SLC5A12: variants seen among roughly 807,000 people sequenced by gnomAD.
SLC5A12 encodes the protein sodium-coupled monocarboxylate transporter 2.
SLC5A12 carries 46 observed loss-of-function variants against 72.7 expected under a neutral mutation model. The ratio of observed to expected loss-of-function variants is 0.63; its 90% CI spans 0.50 to 0.81. The LOEUF is 0.81. SLC5A12 is among the 30% of genes least tolerant of loss of function. SLC5A12 has a pLI of 0.00. For missense variants in SLC5A12, 683 were observed against 740.7 expected (o/e 0.92, Z 0.90); for synonymous variants, 275 against 264.4 (o/e 1.04, Z -0.39).
At chr11:26,671,367 G>T in intron 14 of SLC5A12, 116 bp from the exon 15 acceptor site, 1 of 729,604 alleles carries the variant, frequency 1.4e-6, no homozygotes, top group Non-Finnish European at 2.1e-6. Context: ...TACAAAAGAA[G>T]CATAAACAAC....
intron 13 of SLC5A12, among the ~76,000 whole-genome samples, chr11:26,677,076 A>G (rs1175727467): frequency 6.6e-6 from 1 of 152,138 alleles, no homozygotes; most frequent in Non-Finnish European, 1.5e-5. Context: ...CTTAGTGAGC[A>G]GACCTGAGGT....
chr11:26,722,404 GATA>G (rs1327572312), upstream of SLC5A12, among the ~76,000 whole-genome samples: 3 of 152,096 alleles, frequency 2.0e-5, no homozygotes, highest in Non-Finnish European at 4.4e-5. Flanking sequence ...GGAACACAGG[GATA>G]ATAAGACCTT....
At chr11:26,721,319 G>T in intron 1 of SLC5A12, 57 bp downstream of exon 1, 1 of 1,238,160 alleles carries the variant, frequency 8.1e-7, no homozygotes, top group Non-Finnish European at 1.1e-6. Context: ...ACTACCAGGT[G>T]CTATCATCAA....
At chr11:26,714,423 G>T (rs146185051) in intron 1 of SLC5A12, among the ~76,000 whole-genome samples, 3 of 152,030 alleles carry the variant, frequency 2.0e-5, no homozygotes, top group African/African-American at 7.2e-5. Flanking sequence ...TTGCAATTGT[G>T]ATATGTACTA....
chr11:26,686,166 A>C (rs1185164070), intron 10 of SLC5A12, among the ~76,000 whole-genome samples: 1 of 152,202 alleles, frequency 6.6e-6, no homozygotes, highest in South Asian at 2.1e-4. Flanking sequence ...CAGGATAATA[A>C]ATTCTCAGAT....
At chr11:26,689,611 T>C (rs1016104741) in intron 9 of SLC5A12, among the ~76,000 whole-genome samples, 2 of 152,150 alleles carry the variant, frequency 1.3e-5, no homozygotes, top group African/African-American at 2.4e-5. Context: ...GTGTATGCAT[T>C]CGTCAATACT....
intron 10 of SLC5A12, 73 bp downstream of exon 10, chr11:26,686,404 A>C: frequency 7.3e-7 from 1 of 1,362,546 alleles, no homozygotes. Flanking sequence ...TCTTGGAGGA[A>C]GAAGCAAGAC....
chr11:26,717,045 G>A (rs1855366770), intron 1 of SLC5A12, among the ~76,000 whole-genome samples: 1 of 151,990 alleles, frequency 6.6e-6, no homozygotes, highest in Non-Finnish European at 1.5e-5. Context: ...ATATTATATA[G>A]CACCGTTCAC....
intron 4 of SLC5A12, among the ~76,000 whole-genome samples, chr11:26,708,728 A>G (rs954267327): frequency 1.3e-5 from 2 of 152,080 alleles, no homozygotes; most frequent in African/African-American, 4.8e-5. Flanking sequence ...TAACTAAACT[A>G]TATATAATTG....
chr11:26,702,173 T>C (rs1854972750), intron 6 of SLC5A12, among the ~76,000 whole-genome samples: 1 of 152,150 alleles, frequency 6.6e-6, no homozygotes, highest in Admixed American at 6.6e-5. Context: ...AGCTATTGGA[T>C]AAAGAGATGA....
At chr11:26,691,166 A>T (rs1291063940) in intron 9 of SLC5A12, among the ~76,000 whole-genome samples, 1 of 152,130 alleles carries the variant, frequency 6.6e-6, no homozygotes, top group East Asian at 1.9e-4. Flanking sequence ...AAAATATACA[A>T]ATCATTACTA....
At chr11:26,687,914 C>T (rs1854576127) in intron 9 of SLC5A12, among the ~76,000 whole-genome samples, 1 of 152,102 alleles carries the variant, frequency 6.6e-6, no homozygotes, top group Admixed American at 6.6e-5. Context: ...CAATGTCTGC[C>T]CTGACTTTGT....
chr11:26,697,314 AAG>A (rs1590725961), intron 7 of SLC5A12, 62 bp from the exon 8 acceptor site: 4 of 1,447,992 alleles, frequency 2.8e-6, no homozygotes, highest in East Asian at 2.4e-5. Context: ...AAGAAAAGAG[AAG>A]AGAGAGAAAA....
At chr11:26,685,436 A>G (rs1854506551) in intron 10 of SLC5A12, among the ~76,000 whole-genome samples, 1 of 152,072 alleles carries the variant, frequency 6.6e-6, no homozygotes, top group South Asian at 2.1e-4. Flanking sequence ...TCTGGCAAAT[A>G]TGGCGAAACT....
In SLC5A12 at chr11:26,678,799, T is replaced by C; in HGVS notation, c.1492A>G (p.Thr498Ala). 6.2e-7 allele frequency: 1 copy of C among 1,612,404 alleles called. No homozygotes were observed. The highest frequency in any genetic ancestry group is 8.5e-7 in the Non-Finnish European group (1 of 1,178,892). ...VLSSRPGIAD[T>A]WYSISYLYYS... ...TAAAGGTAGGAGATCGAGTACCAGG[T>C]ATCAGCTATTCCAGGTCTGTGGAGA... Residue 498 changes from threonine to alanine, a missense_variant, in exon 13 of 15, where the codon ACC becomes GCC. Transcript: ENST00000396005.
At chr11:26,694,295 T>C (rs1167746546) in intron 8 of SLC5A12, among the ~76,000 whole-genome samples, 12 of 151,362 alleles carry the variant, frequency 7.9e-5, no homozygotes, top group Admixed American at 6.6e-4. Flanking sequence ...CTATACCATA[T>C]GTTGTCCAGT....
Position 26,671,200 on chromosome 11 carries a change from G to A in SLC5A12, c.1759C>T (p.Gln587Ter). The change falls in exon 15 of 15, where the codon CAG becomes TAG. Residue 587 changes from glutamine (Q) to a stop codon, truncating the protein, a stop_gained. Transcript: ENST00000396005. LOFTEE classifies it low-confidence loss of function (END_TRUNC). ...ARKQGAESVL[Q>*]NGLRRESLVH... is the part of the protein sequence containing the mutation. ...AGGCTTTCTCTTCTGAGTCCGTTCTGTAAGACAGATTCAGCCCCCTGTTTC... is the reference window on the plus strand; with the variant it reads ...AGGCTTTCTCTTCTGAGTCCGTTCTATAAGACAGATTCAGCCCCCTGTTTC... 6.2e-7 allele frequency: 1 copy of A among 1,610,420 alleles called. No homozygotes were observed. The highest frequency in any genetic ancestry group is 8.5e-7 in the Non-Finnish European group (1 of 1,178,246).
rs528244538 is a variant in SLC5A12, at chr11:26,682,101, C to A, written c.1309-880G>T. On this transcript the variant is annotated intron_variant, in intron 11 of 14. Coordinates refer to ENST00000396005, the MANE Select transcript of SLC5A12 (RefSeq NM_178498.4). ...GTAAGCCATGCAGTATCTGTCACAA[C>A]AACTCAGTTCTCTTATGGCATGTAA... Among the ~76,000 whole-genome samples the A allele has an allele frequency of 3.3e-5, 5 of 151,922 alleles. No homozygotes were observed. The East Asian group carries it at 7.8e-4, about 24-fold the overall frequency.
At chr11:26,689,563 G>A (rs1271900331) in intron 9 of SLC5A12, among the ~76,000 whole-genome samples, 1 of 152,162 alleles carries the variant, frequency 6.6e-6, no homozygotes, top group East Asian at 1.9e-4. Flanking sequence ...TTTCCACGGT[G>A]AAGGTCACAT....
Sources: allele counts gnomAD v4.1 joint callset (sites outside exome capture counted in the v4.1 genomes callset), GRCh38; gene constraint gnomAD v4.1.1; transcripts MANE v1.5; gene names NCBI Gene and HGNC (gene_info 2026-07-23, HGNC 2026-07-21).